The following CNTNAP2 variants were observed in gnomAD, a reference collection of about 807,000 sequenced individuals.
The protein encoded by CNTNAP2 is contactin-associated protein-like 2.
A neutral mutation model predicts 155.2 loss-of-function variants in CNTNAP2; 98 were observed. The observed-to-expected ratio is 0.63, with a 90% CI of 0.54 to 0.75. The LOEUF (loss-of-function observed/expected upper bound fraction) is 0.75, where lower values mean the gene tolerates loss of function less well. CNTNAP2 is among the 30% of genes least tolerant of loss of function. The pLI, the probability that CNTNAP2 is intolerant of heterozygous loss-of-function variation, is 0.00. For missense variants in CNTNAP2, 1,727 were observed against 1,688.1 expected (o/e 1.02, Z -0.40); for synonymous variants, 651 against 631.2 (o/e 1.03, Z -0.47).
intron 4 of CNTNAP2, among the ~76,000 whole-genome samples, chr7:147,059,148 GA>G (rs935069770): frequency 9.9e-5 from 15 of 152,216 alleles, no homozygotes; most frequent in African/African-American, 3.4e-4. Flanking sequence ...TTCTGATTTT[GA>G]GGATGAAGTC....
chr7:146,510,783 G>A (rs1379192437), intron 1 of CNTNAP2, among the ~76,000 whole-genome samples: 1 of 151,254 alleles, frequency 6.6e-6, no homozygotes, highest in Non-Finnish European at 1.5e-5. Flanking sequence ...TTTTCAGATT[G>A]TTTGCTGTTG....
chr7:147,269,822 G>A (rs986168841), intron 8 of CNTNAP2, among the ~76,000 whole-genome samples: 2 of 152,150 alleles, frequency 1.3e-5, no homozygotes, highest in Non-Finnish European at 2.9e-5. Flanking sequence ...GGAGGCTGAG[G>A]CAGGAGGATT....
intron 8 of CNTNAP2, among the ~76,000 whole-genome samples, chr7:147,187,838 T>C (rs1563108457): frequency 6.6e-6 from 1 of 152,152 alleles, no homozygotes; most frequent in Non-Finnish European, 1.5e-5. Flanking sequence ...GGCAGATGGA[T>C]CACTTGAGCT....
chr7:147,246,635 T>C (rs1804077450), intron 8 of CNTNAP2, among the ~76,000 whole-genome samples: 1 of 152,098 alleles, frequency 6.6e-6, no homozygotes, highest in African/African-American at 2.4e-5. Context: ...CCTCCTAATA[T>C]CACATTAGTG....
intron 3 of CNTNAP2, among the ~76,000 whole-genome samples, chr7:146,866,624 G>A (rs1160335553): frequency 1.3e-5 from 2 of 152,052 alleles, no homozygotes; most frequent in South Asian, 2.1e-4. Context: ...TGGCTGGCAC[G>A]GCAAGTGGGA....
chr7:146,137,542 CTG>C (rs925360335), intron 1 of CNTNAP2, among the ~76,000 whole-genome samples: 12 of 151,932 alleles, frequency 7.9e-5, no homozygotes, highest in Non-Finnish European at 1.0e-4. Context: ...TACTAGCAAA[CTG>C]TGAATTTATG....
In CNTNAP2 at chr7:147,973,789, G is replaced by A. The variant is rs183981463; in HGVS notation, c.2256-4073G>A. Among the ~76,000 whole-genome samples the A allele has an allele frequency of 4.8e-3, 726 of 152,196 alleles. 8 individuals are homozygous for A. The highest frequency in any genetic ancestry group is 0.017 in the African/African-American group (709 of 41,524). On this transcript the variant is annotated intron_variant, in intron 14 of 23. Transcript: ENST00000361727. Reference sequence around the variant, plus strand: ...TTTTTAAGACGAAAAGTCCAAGGAGGGGATCCAGATAGTGTGAATCTGAAT... The same window carrying A: ...TTTTTAAGACGAAAAGTCCAAGGAGAGGATCCAGATAGTGTGAATCTGAAT...
intron 22 of CNTNAP2, among the ~76,000 whole-genome samples, chr7:148,394,206 G>A (rs903612064): frequency 2.6e-5 from 4 of 151,852 alleles, no homozygotes; most frequent in Admixed American, 6.6e-5. Flanking sequence ...TTATTTGGGT[G>A]GAAGGTGGAA....
chr7:147,756,115 C>T lies in CNTNAP2; in HGVS notation c.2098+116809C>T, dbSNP rs191007216. 1.9e-3 allele frequency among the ~76,000 whole-genome samples: 296 copies of T among 152,288 alleles called. 2 individuals carry two copies. The highest frequency in any genetic ancestry group is 6.1e-3 in the Admixed American group (94 of 15,286). On this transcript the variant is annotated intron_variant, in intron 13 of 23. Transcript: ENST00000361727. ...AACAATGACACACAAAAGCAACATC[C>T]AATTTCAAAACGTGATTGTTCTCTA...
intron 13 of CNTNAP2, among the ~76,000 whole-genome samples, chr7:147,851,802 C>G (rs988320526): frequency 6.6e-6 from 1 of 151,708 alleles, no homozygotes; most frequent in Admixed American, 6.6e-5. Context: ...GGAGATATAC[C>G]TAATGTAAAT....
intron 14 of CNTNAP2, among the ~76,000 whole-genome samples, chr7:147,948,522 A>G (rs1260994534): frequency 6.6e-6 from 1 of 151,164 alleles, no homozygotes; most frequent in Non-Finnish European, 1.5e-5. Context: ...CCAGGAAAAA[A>G]AAAAAGCCCC....
At position 147,229,141 on chromosome 7, in the gene CNTNAP2, A is replaced by G. The variant is rs561888331; in HGVS notation, c.1349-71000A>G. ...CCATTACACTGGTTAAAAGTAGCCC[A>G]TTTGGGATGCACAAAATTCATTTTT... is the stretch of plus-strand genomic sequence containing the variant. On this transcript the variant is annotated intron_variant, in intron 8 of 23. Coordinates refer to ENST00000361727, the MANE Select transcript of CNTNAP2 (RefSeq NM_014141.6). Among the ~76,000 whole-genome samples the G allele has an allele frequency of 5.3e-5, 8 of 152,302 alleles. No homozygotes were observed. In the East Asian group the frequency reaches 1.5e-3, roughly 29 times the overall value.
At chr7:146,565,436 C>T (rs1381384317) in intron 1 of CNTNAP2, among the ~76,000 whole-genome samples, 2 of 151,758 alleles carry the variant, frequency 1.3e-5, no homozygotes, top group Non-Finnish European at 2.9e-5. Context: ...GGGATCCTTT[C>T]CAGGGATCCG....
At chr7:147,947,755 C>T (rs1374465730) in intron 14 of CNTNAP2, among the ~76,000 whole-genome samples, 1 of 152,106 alleles carries the variant, frequency 6.6e-6, no homozygotes. Context: ...ATTTCTGATG[C>T]CTTTAATTTC....
intron 1 of CNTNAP2, among the ~76,000 whole-genome samples, chr7:146,524,272 TTACCTCAAGTCG>T (rs1325348525): frequency 6.6e-6 from 1 of 152,154 alleles, no homozygotes; most frequent in Admixed American, 6.6e-5. Flanking sequence ...GCTCTTTATC[TTACCTCAAGTCG>T]TACCAGAGAG....
chr7:148,267,581 G>A (rs1359718691), intron 21 of CNTNAP2, among the ~76,000 whole-genome samples: 1 of 151,496 alleles, frequency 6.6e-6, no homozygotes, highest in African/African-American at 2.4e-5. Context: ...CTTGAACCCC[G>A]GAGGTGGAGG....
intron 3 of CNTNAP2, among the ~76,000 whole-genome samples, chr7:146,873,291 T>C (rs1374015276): frequency 6.6e-6 from 1 of 152,060 alleles, no homozygotes; most frequent in Admixed American, 6.6e-5. Flanking sequence ...TTGAAGCACA[T>C]AGAGGAGGAG....
intron 13 of CNTNAP2, among the ~76,000 whole-genome samples, chr7:147,643,868 C>G (rs1359251589): frequency 5.3e-5 from 8 of 152,000 alleles, no homozygotes; most frequent in Admixed American, 5.2e-4. Context: ...TCTTTTATAC[C>G]ATACCATTAG....
At chr7:147,990,891 C>T (rs1016004847) in intron 15 of CNTNAP2, among the ~76,000 whole-genome samples, 4 of 152,064 alleles carry the variant, frequency 2.6e-5, no homozygotes, top group African/African-American at 9.7e-5. Flanking sequence ...GTTTAGCCCC[C>T]TTTTCCCCTC....
Sources: gnomAD v4.1 joint callset for allele counts (sites outside exome capture counted in the v4.1 genomes callset) on GRCh38, gnomAD v4.1.1 for gene constraint, MANE v1.5 for transcripts, NCBI Gene and HGNC (gene_info 2026-07-23, HGNC 2026-07-21) for gene names.